KIAA1671: variants seen among roughly 807,000 people sequenced by gnomAD.
KIAA1671 encodes KIAA1671, also known as uncharacterized protein KIAA1671.
A neutral mutation model predicts 131.2 loss-of-function variants in KIAA1671; 52 were observed. That is an observed-to-expected ratio of 0.40 (90% confidence interval 0.32 to 0.50). The LOEUF (loss-of-function observed/expected upper bound fraction) is 0.50. KIAA1671 is among the 20% of genes least tolerant of loss of function. The pLI, the probability that KIAA1671 is intolerant of heterozygous loss-of-function variation, is 0.73. For missense variants in KIAA1671, 2,360 were observed against 2,364.2 expected (o/e 1.00, Z 0.04); for synonymous variants, 1,003 against 961.6 (o/e 1.04, Z -0.80).
rs1342366196 is a variant in KIAA1671, at chr22:25,000,356, G to C, written c.-207-25277G>C. Reference sequence around the variant, plus strand: ...CTACAGGCGCGCGCCACTACGCCCGGCTAATTTTTTGTATTTTTAGTAGAG... The same window carrying C: ...CTACAGGCGCGCGCCACTACGCCCGCCTAATTTTTTGTATTTTTAGTAGAG... On this transcript the variant is annotated intron_variant, in intron 1 of 12. Coordinates refer to ENST00000358431, the MANE Select transcript of KIAA1671 (RefSeq NM_001145206.2). Among the ~76,000 whole-genome samples the C allele has an allele frequency of 7.3e-5, 7 of 96,258 alleles. 2 individuals carry two copies. The highest frequency in any genetic ancestry group is 2.7e-4 in the African/African-American group (7 of 25,672). 63.1% of individuals were successfully genotyped at this position (96,258 alleles called of 152,430 possible).
intron 4 of KIAA1671, among the ~76,000 whole-genome samples, chr22:25,036,389 C>A (rs1354774132): frequency 6.6e-6 from 1 of 151,492 alleles, no homozygotes; most frequent in African/African-American, 2.4e-5. Context: ...TGAAATCCTG[C>A]CTTTAAAAAG....
chr22:24,995,869 G>T (rs1924106121), intron 1 of KIAA1671, among the ~76,000 whole-genome samples: 1 of 152,236 alleles, frequency 6.6e-6, no homozygotes, highest in Non-Finnish European at 1.5e-5. Context: ...CACACAGCTA[G>T]TACAGATGGA....
rs544350777 is a variant in KIAA1671, at chr22:25,179,357, C to G, written c.5074+1835C>G. 2.8e-4 allele frequency: 449 copies of G among 1,600,078 alleles called. 4 individuals are homozygous for G. In the South Asian group the frequency reaches 3.7e-3, roughly 13 times the overall value. On this transcript the variant is annotated intron_variant, in intron 9 of 12. Transcript: ENST00000358431. ...GCTCCTTGTTCCTGCGCACCTCGGC[C>G]GCGTGCAGCTCCTCGCGCAGCCGCT...
intron 6 of KIAA1671, among the ~76,000 whole-genome samples, chr22:25,129,888 A>G (rs1260374893): frequency 6.6e-6 from 1 of 152,128 alleles, no homozygotes; most frequent in African/African-American, 2.4e-5. Context: ...TGAAGAATAC[A>G]TCTGTTGACG....
chr22:24,987,171 AT>A (rs772183225), intron 1 of KIAA1671, among the ~76,000 whole-genome samples: 280 of 146,800 alleles, frequency 1.9e-3, no homozygotes, highest in African/African-American at 2.5e-3. Flanking sequence ...TATTATTATT[AT>A]TTTTTTTTTT....
intron 1 of KIAA1671, among the ~76,000 whole-genome samples, chr22:25,006,467 G>A (rs185144627): frequency 0.017 from 2,583 of 151,850 alleles, 45 homozygotes; most frequent in South Asian, 0.077. Context: ...GTGTCTGGTC[G>A]CCTGGGGGGC....
In KIAA1671 at chr22:24,963,891, G is replaced by C. The variant is rs936261490; in HGVS notation, c.-208+11119G>C. Reference sequence around the variant, plus strand: ...GGAGGCGGAGCTTGCAGTGAGCCAAGATCACGCCACTGCACTCCAGCCTGG... The same window carrying C: ...GGAGGCGGAGCTTGCAGTGAGCCAACATCACGCCACTGCACTCCAGCCTGG... On this transcript the variant is annotated intron_variant, in intron 1 of 12. Coordinates refer to ENST00000358431, the MANE Select transcript of KIAA1671 (RefSeq NM_001145206.2). Among the ~76,000 whole-genome samples the C allele has an allele frequency of 2.7e-5, 4 of 147,912 alleles. No individual in the cohort carries two copies. The South Asian group carries it at 8.5e-4, about 32-fold the overall frequency.
chr22:25,105,840 TCCA>T, intron 6 of KIAA1671, among the ~76,000 whole-genome samples: 1 of 143,830 alleles, frequency 7.0e-6, no homozygotes, highest in East Asian at 2.0e-4. Context: ...GGTGCCAAAC[TCCA>T]CCACTTAATA....
At chr22:25,054,568 T>C (rs1927739325) in intron 6 of KIAA1671, 1 of 149,160 alleles carries the variant, frequency 6.7e-6, no homozygotes, top group African/African-American at 2.4e-5. Context: ...TAGGGTGAGG[T>C]ATGGGGGAGG....
At chr22:25,000,192 T>G (rs1417436957) in intron 1 of KIAA1671, among the ~76,000 whole-genome samples, 1 of 71,284 alleles carries the variant, frequency 1.4e-5, no homozygotes, top group African/African-American at 5.8e-5. Context: ...CTGTTTTTTT[T>G]TTTTTTTTTT....
In KIAA1671 at chr22:24,974,773, A is replaced by T. The variant is rs1452932020; in HGVS notation, c.-208+22001A>T. 2.1e-5 allele frequency among the ~76,000 whole-genome samples: 3 copies of T among 143,954 alleles called. No homozygotes were observed. In the East Asian group the frequency reaches 6.2e-4, roughly 30 times the overall value. The allele number at this position is 143,954 out of a possible 152,430, so 94.4% of individuals were successfully genotyped here. On this transcript the variant is annotated intron_variant, in intron 1 of 12. Transcript: ENST00000358431. ...AATGGCGTGATCTCGGCTCACTGCA[A>T]CCTCAACTTTCCGGCTTCAAGCAAT...
chr22:25,031,204 T>C (rs1429881316), intron 3 of KIAA1671, among the ~76,000 whole-genome samples: 1 of 141,728 alleles, frequency 7.1e-6, no homozygotes, highest in African/African-American at 2.6e-5. Context: ...TTTTTTTTTT[T>C]TTTTTTTTTT....
At chr22:25,056,191 G>A (rs1927831126) in intron 6 of KIAA1671, 1 of 148,882 alleles carries the variant, frequency 6.7e-6, no homozygotes, top group South Asian at 2.3e-4. Context: ...ATATATTCTG[G>A]ATATTAATCC....
chr22:25,173,253 C>T (rs573208311), intron 7 of KIAA1671, among the ~76,000 whole-genome samples: 8 of 152,172 alleles, frequency 5.3e-5, no homozygotes, highest in South Asian at 2.1e-4. Context: ...TCCTCCAATT[C>T]GACATGAGAT....
At chr22:25,050,894 G>A (rs1927496528) in intron 6 of KIAA1671, 1 of 151,952 alleles carries the variant, frequency 6.6e-6, no homozygotes, top group Non-Finnish European at 1.5e-5. Flanking sequence ...TTATCTGATT[G>A]TACTTGAACT....
intron 5 of KIAA1671, among the ~76,000 whole-genome samples, chr22:25,041,955 G>A (rs1199969129): frequency 6.6e-6 from 1 of 151,924 alleles, no homozygotes; most frequent in Non-Finnish European, 1.5e-5. Context: ...TGTTGCCCAG[G>A]CTGGTCTCAA....
intron 6 of KIAA1671, among the ~76,000 whole-genome samples, chr22:25,094,384 T>C (rs1477000010): frequency 3.3e-5 from 5 of 152,076 alleles, no homozygotes; most frequent in Admixed American, 1.3e-4. Flanking sequence ...AGGGCCCTTA[T>C]AGATCATCAT....
rs1326631432 is a variant in KIAA1671 at position 25,028,742 on chromosome 22, C to G, written c.743C>G (p.Thr248Arg). The G allele has an allele frequency of 2.6e-6, 4 of 1,551,160 alleles. No homozygotes were observed. Among genetic ancestry groups the G allele is most frequent in the Non-Finnish European group, 3.5e-6 (4 of 1,147,016 alleles). ...LKRRPVSAIF[T>R]ESIQPQKPGP... ...AGAAGGCCCGTGTCTGCCATTTTCA[C>G]GGAGTCCATTCAGCCTCAGAAGCCA... The change falls in exon 3 of 13, where the codon ACG (threonine) becomes AGG (arginine). Residue 248 changes from threonine to arginine, a missense_variant. By Grantham distance (71) the Thr-to-Arg change is moderately conservative. Coordinates refer to ENST00000358431, the MANE Select transcript of KIAA1671 (RefSeq NM_001145206.2).
At chr22:25,161,301 CAACT>C (rs1179111311) in intron 6 of KIAA1671, among the ~76,000 whole-genome samples, 1 of 152,218 alleles carries the variant, frequency 6.6e-6, no homozygotes, top group Admixed American at 6.5e-5. Context: ...TCAGTACCAC[CAACT>C]GAGGCCAGGG....
Sources: allele counts gnomAD v4.1 joint callset (sites outside exome capture counted in the v4.1 genomes callset), GRCh38; gene constraint gnomAD v4.1.1; transcripts MANE v1.5; gene names NCBI Gene and HGNC (gene_info 2026-07-23, HGNC 2026-07-21).